The following LMAN1L variants were observed in gnomAD, a reference collection of about 807,000 sequenced individuals.
The protein encoded by LMAN1L is lectin, mannose binding 1 like, also known as protein ERGIC-53-like.
A neutral mutation model predicts 58.3 loss-of-function variants in LMAN1L; 60 were observed. That is an observed-to-expected ratio of 1.03 (90% CI 0.84 to 1.27). LMAN1L has a LOEUF of 1.27. LMAN1L is among the 50% of genes most tolerant of loss of function. LMAN1L has a pLI of 0.00. For missense variants in LMAN1L, 629 were observed against 674.0 expected, an observed-to-expected ratio of 0.93 and a Z score of 0.74; for synonymous variants, 280 against 271.6, an observed-to-expected ratio of 1.03 and a Z score of -0.31.
intron 12 of LMAN1L, 110 bp downstream of exon 12, chr15:74,823,792 C>G: frequency 7.7e-7 from 1 of 1,298,822 alleles, no homozygotes; most frequent in East Asian, 2.4e-5. Flanking sequence ...TTGCCCTCCC[C>G]TCCCAGGACT....
intron 1 of LMAN1L, 149 bp from the exon 2 acceptor site, chr15:74,816,008 A>C: frequency 1.0e-6 from 1 of 998,822 alleles, no homozygotes; most frequent in Non-Finnish European, 1.4e-6. Flanking sequence ...CTGGGCTCTG[A>C]CTCCTGCTTC....
In LMAN1L at chr15:74,816,492, C is replaced by T. The variant is rs1438273756; in HGVS notation, c.396C>T (p.Asp132=). Reference sequence around the variant, plus strand: ...TCCTTGGGGGGCTGGCTTCGTGGGACGGCATCGGGATCTTCTTTGACTCTC... The same window carrying T: ...TCCTTGGGGGGCTGGCTTCGTGGGATGGCATCGGGATCTTCTTTGACTCTC... ...GSVLGGLASW[D]GIGIFFDSPA... is the part of the protein sequence containing the mutation. The change falls in exon 3 of 14, where the codon GAC becomes GAT. Residue 132 remains aspartate (D), a synonymous_variant. Transcript: ENST00000309664. The T allele has an allele frequency of 1.2e-5, 18 of 1,549,642 alleles. No homozygotes were observed. The highest frequency in any genetic ancestry group is 4.5e-5 in the East Asian group (2 of 44,196).
chr15:74,816,346 T>G (rs1440178993), intron 2 of LMAN1L, 35 bp downstream of exon 2: 1 of 1,607,082 alleles, frequency 6.2e-7, no homozygotes, highest in Non-Finnish European at 8.5e-7. Flanking sequence ...CAGAGCGGGG[T>G]GGGTCAGGGA....
At chr15:74,815,925 G>A (rs181017396) in intron 1 of LMAN1L, among the ~76,000 whole-genome samples, 25 of 152,332 alleles carry the variant, frequency 1.6e-4, no homozygotes, top group South Asian at 2.1e-4. Context: ...CACACACTGC[G>A]GTGAGGCTTC....
intron 7 of LMAN1L, 40 bp from the exon 8 acceptor site, chr15:74,820,595 C>T: frequency 2.5e-6 from 4 of 1,611,806 alleles, no homozygotes. Context: ...TCTGGATCTC[C>T]CATGGGTTTG....
rs202006827 is a variant in LMAN1L at position 74,820,590 on chromosome 15, A to T, written c.775-45A>T. The stretch of plus-strand genomic sequence containing the variant: ...GTGGGAAGGCTCCCCTTGCTTCTGG[A>T]TCTCCCATGGGTTTGGGGCCCGACT... On this transcript the variant is annotated intron_variant, in intron 7 of 13. Coordinates refer to ENST00000309664, the MANE Select transcript of LMAN1L (RefSeq NM_021819.3). 1.1e-4 allele frequency: 178 copies of T among 1,611,146 alleles called. 1 individual carries two copies. The Admixed American group carries it at 1.5e-3, about 14-fold the overall frequency.
chr15:74,820,571 A>C, intron 7 of LMAN1L, 64 bp from the exon 8 acceptor site: 1 of 1,604,046 alleles, frequency 6.2e-7, no homozygotes. Context: ...GCCTGTGGGA[A>C]GGCTCCCCTT....
rs145422132 is a variant in LMAN1L, at chr15:74,820,682, G to A, written c.822G>A (p.Arg274=). 0.03 allele frequency: 48,897 copies of A among 1,613,910 alleles called. 967 individuals are homozygous for A. The highest frequency in any genetic ancestry group is 0.038 in the Middle Eastern group (230 of 6,060). The change falls in exon 8 of 14, where the codon AGG becomes AGA. Residue 274 remains arginine (R), a synonymous_variant. Transcript: ENST00000309664. ...AGATGCAGCAGCTCCGCCTGGCGAG[G>A]CAGCTGGAAGGGCTGTGGGCAAGGC... is the stretch of plus-strand genomic sequence containing the variant. The part of the protein sequence containing the change: ...FLEMQQLRLA[R]QLEGLWARLG...
chr15:74,814,369 TTTG>T (rs1313829138), intron 1 of LMAN1L, among the ~76,000 whole-genome samples: 1 of 84,220 alleles, frequency 1.2e-5, no homozygotes, highest in African/African-American at 3.5e-5. Flanking sequence ...AATTTTTGTT[TTTG>T]TTTTTGTTTT....
chr15:74,816,044 A>T, intron 1 of LMAN1L, 113 bp from the exon 2 acceptor site: 1 of 1,287,188 alleles, frequency 7.8e-7, no homozygotes, highest in Non-Finnish European at 1.0e-6. Context: ...ATTTAATGGT[A>T]GGCCTTGGCA....
intron 1 of LMAN1L, among the ~76,000 whole-genome samples, chr15:74,814,374 T>TTG (rs1440507589): frequency 1.6e-5 from 2 of 126,180 alleles, no homozygotes; most frequent in Non-Finnish European, 3.3e-5. Context: ...TTGTTTTTGT[T>TTG]TTTGTTTTTT....
rs775578530 is a variant in LMAN1L at position 74,816,688 on chromosome 15, T to G, written c.495T>G (p.Pro165=). 8.1e-6 allele frequency: 13 copies of G among 1,613,586 alleles called. No homozygotes were observed. The highest frequency in any genetic ancestry group is 5.3e-5 in the African/African-American group (4 of 74,878). Residue 165 remains proline, a splice_region_variant and synonymous_variant, in exon 4 of 14, where the codon CCT becomes CCG. Coordinates refer to ENST00000309664, the MANE Select transcript of LMAN1L (RefSeq NM_021819.3). ...ASDGHIPSEQ[P]GDGASQGLGS... is the part of the protein sequence containing the mutation. Reference sequence around the variant, plus strand: ...ACGGGCACATCCCCTCTGAGCAGCCTGGGTAAGGGCCTGTCTGGACTGACC... The same window carrying G: ...ACGGGCACATCCCCTCTGAGCAGCCGGGGTAAGGGCCTGTCTGGACTGACC...
chr15:74,821,828 G>C lies in LMAN1L; in HGVS notation c.1060-1G>C. ...CCAAGCCTCTCTGATCCTATCCCCA[G>C]GCCCTGGATGCTTCCTGCCAGATTC... On this transcript the variant is annotated splice_acceptor_variant, in intron 9 of 13. Coordinates refer to ENST00000309664, the MANE Select transcript of LMAN1L (RefSeq NM_021819.3). LOFTEE classifies it high-confidence loss of function. 1 of 1,610,460 alleles carries C rather than the reference G, an allele frequency of 6.2e-7. No homozygotes were observed. Among genetic ancestry groups the C allele is most frequent in the South Asian group, 1.1e-5 (1 of 90,896 alleles).
At chr15:74,814,378 G>GTTTTTTTTTTTTTT (rs569247875) in intron 1 of LMAN1L, among the ~76,000 whole-genome samples, 2 of 110,534 alleles carry the variant, frequency 1.8e-5, no homozygotes, top group African/African-American at 3.3e-5. Flanking sequence ...TTTTGTTTTT[G>GTTTTTTTTTTTTTT]TTTTTTTTTT....
rs868335121 is a variant in LMAN1L at position 74,821,083 on chromosome 15, C to T, written c.916C>T (p.Leu306Phe). ...TCTGCCCTAATCCCCAGGGGAAAGG[C>T]TCTTTGACCTGGAGGAGACGCTGGG... Reference protein sequence around the residue: ...DSEAQGEGERLFDLEETLGRH... With the variant: ...DSEAQGEGERFFDLEETLGRH... Residue 306 changes from leucine to phenylalanine, a missense_variant, in exon 9 of 14, where the codon CTC becomes TTC. Around this residue, in one of 3 missense-constraint regions of LMAN1L, gnomAD observed 573 missense variants for 597.3 expected, o/e 0.96. Coordinates refer to ENST00000309664, the MANE Select transcript of LMAN1L (RefSeq NM_021819.3). 6.3e-7 allele frequency: 1 copy of T among 1,576,824 alleles called. No homozygotes were observed. Among genetic ancestry groups the T allele is most frequent in the Non-Finnish European group, 8.6e-7 (1 of 1,161,454 alleles).
At chr15:74,820,227 G>A in intron 7 of LMAN1L, 128 bp downstream of exon 7, 1 of 896,636 alleles carries the variant, frequency 1.1e-6, no homozygotes, top group South Asian at 1.3e-5. Flanking sequence ...GCTCAGGCCA[G>A]ACCTTGTGCA....
chr15:74,813,030 G>A lies in LMAN1L; in HGVS notation c.175+1G>A, dbSNP rs746024908. The A allele has an allele frequency of 2.3e-5, 37 of 1,610,688 alleles. No homozygotes were observed. The highest frequency in any genetic ancestry group is 3.4e-5 in the Admixed American group (2 of 59,566). ...ATACCCTTCTGGAGCCATCATGGAG[G>A]TGAGGGGCAGGGGTGGGGACCAGCT... On this transcript the variant is annotated splice_donor_variant, in intron 1 of 13. Coordinates refer to ENST00000309664, the MANE Select transcript of LMAN1L (RefSeq NM_021819.3). LOFTEE classifies it high-confidence loss of function.
intron 9 of LMAN1L, 83 bp downstream of exon 9, chr15:74,821,309 T>G (rs1285155248): frequency 6.9e-7 from 1 of 1,451,434 alleles, no homozygotes; most frequent in South Asian, 1.3e-5. Flanking sequence ...TAGTCTCCCC[T>G]AAGGCCTGGA....
At chr15:74,813,113 T>C in intron 1 of LMAN1L, 84 bp downstream of exon 1, 1 of 1,426,190 alleles carries the variant, frequency 7.0e-7, no homozygotes, top group East Asian at 2.3e-5. Context: ...AGTGGGTCTG[T>C]CACAGCCATC....
Sources: allele counts gnomAD v4.1 joint callset (sites outside exome capture counted in the v4.1 genomes callset), GRCh38; gene constraint gnomAD v4.1.1; regional missense constraint gnomAD v4.1.1; transcripts MANE v1.5; gene names NCBI Gene and HGNC (gene_info 2026-07-23, HGNC 2026-07-21).